The following PTPRR variants were observed in gnomAD, a reference collection of about 807,000 sequenced individuals.
PTPRR encodes receptor-type tyrosine-protein phosphatase R.
Under a neutral mutation model 77.2 loss-of-function variants are expected in PTPRR, and 38 were observed. The ratio of observed to expected loss-of-function variants is 0.49; its 90% CI spans 0.38 to 0.65. The LOEUF is 0.65. PTPRR is among the 30% of genes least tolerant of loss of function. PTPRR has a pLI of 0.00. For synonymous variants in PTPRR, 299 were observed against 283.1 expected (o/e 1.06, Z -0.57); for missense variants, 744 against 799.2 (o/e 0.93, Z 0.83).
At chr12:70,714,229 AAT>A (rs1281183543) in intron 6 of PTPRR, among the ~76,000 whole-genome samples, 1 of 152,162 alleles carries the variant, frequency 6.6e-6, no homozygotes, top group Non-Finnish European at 1.5e-5. Context: ...CAAAGAAAAC[AAT>A]ATCTTGTTTT....
intron 1 of PTPRR, among the ~76,000 whole-genome samples, chr12:70,918,066 A>G (rs1893800204): frequency 6.6e-6 from 1 of 152,182 alleles, no homozygotes; most frequent in Non-Finnish European, 1.5e-5. Context: ...TAATATCTTG[A>G]TTTCTTGATC....
chr12:70,700,263 C>G (rs1565653945), intron 7 of PTPRR, among the ~76,000 whole-genome samples: 1 of 152,172 alleles, frequency 6.6e-6, no homozygotes, highest in Non-Finnish European at 1.5e-5. Flanking sequence ...ACCAATACGG[C>G]TTAAGATGCA....
At chr12:70,719,640 C>A (rs767196485) in intron 6 of PTPRR, among the ~76,000 whole-genome samples, 1 of 152,040 alleles carries the variant, frequency 6.6e-6, no homozygotes, top group Non-Finnish European at 1.5e-5. Flanking sequence ...TACTAACAAG[C>A]GATAAAAGGC....
chr12:70,703,918 C>T (rs1029028854), intron 6 of PTPRR, among the ~76,000 whole-genome samples: 3 of 151,830 alleles, frequency 2.0e-5, no homozygotes, highest in Non-Finnish European at 2.9e-5. Context: ...TGAAAGCAAA[C>T]GTTTAATAGG....
intron 2 of PTPRR, among the ~76,000 whole-genome samples, chr12:70,820,615 G>C (rs1284921998): frequency 6.6e-6 from 1 of 152,224 alleles, no homozygotes; most frequent in East Asian, 1.9e-4. Flanking sequence ...TTACAGGCGT[G>C]AGCCACTGCG....
At chr12:70,844,271 G>A (rs1438635712) in intron 2 of PTPRR, among the ~76,000 whole-genome samples, 1 of 152,128 alleles carries the variant, frequency 6.6e-6, no homozygotes, top group East Asian at 1.9e-4. Flanking sequence ...TTTTGAGCCT[G>A]TTTTATACAA....
intron 6 of PTPRR, among the ~76,000 whole-genome samples, chr12:70,705,718 C>T (rs1173538047): frequency 4.0e-5 from 6 of 150,328 alleles, no homozygotes; most frequent in East Asian, 1.9e-4. Flanking sequence ...ATTTGACTTC[C>T]GAGATTTTTT....
chr12:70,815,220 G>C (rs1323106841), intron 2 of PTPRR, among the ~76,000 whole-genome samples: 3 of 150,418 alleles, frequency 2.0e-5, no homozygotes, highest in Non-Finnish European at 4.4e-5. Flanking sequence ...ATTAACAGCT[G>C]ATTAGACACT....
intron 2 of PTPRR, among the ~76,000 whole-genome samples, chr12:70,854,694 G>T (rs991398327): frequency 2.6e-5 from 4 of 152,214 alleles, no homozygotes; most frequent in Admixed American, 1.3e-4. Context: ...GACAGCCTGG[G>T]TCTGAATCTA....
chr12:70,851,235 C>T (rs1280063237), intron 2 of PTPRR, among the ~76,000 whole-genome samples: 1 of 152,142 alleles, frequency 6.6e-6, no homozygotes, highest in East Asian at 1.9e-4. Context: ...TTAAATATTG[C>T]ATTTATCCTG....
At chr12:70,839,458 G>A (rs1394226846) in intron 2 of PTPRR, among the ~76,000 whole-genome samples, 2 of 152,066 alleles carry the variant, frequency 1.3e-5, no homozygotes, top group African/African-American at 2.4e-5. Flanking sequence ...ATTTTCTTCT[G>A]TAGTTGCAGC....
chr12:70,893,622 A>G (rs1326357028), intron 1 of PTPRR, among the ~76,000 whole-genome samples: 1 of 151,906 alleles, frequency 6.6e-6, no homozygotes, highest in Non-Finnish European at 1.5e-5. Context: ...AGTTATAGCT[A>G]TTGGAATGTG....
chr12:70,783,864 G>GGC (rs1891257761), intron 2 of PTPRR, among the ~76,000 whole-genome samples: 1 of 35,648 alleles, frequency 2.8e-5, no homozygotes, highest in Non-Finnish European at 7.3e-5. Flanking sequence ...TGGGGGGGAC[G>GGC]GGGGGGGGGG....
chr12:70,834,595 T>A, intron 2 of PTPRR, among the ~76,000 whole-genome samples: 1 of 152,180 alleles, frequency 6.6e-6, no homozygotes, highest in East Asian at 1.9e-4. Context: ...TGGTTCAAAC[T>A]ACTAGAGTTC....
intron 6 of PTPRR, among the ~76,000 whole-genome samples, chr12:70,723,632 T>C (rs1889336515): frequency 6.6e-6 from 1 of 152,190 alleles, no homozygotes; most frequent in African/African-American, 2.4e-5. Flanking sequence ...CAAATATAGG[T>C]TGCAAATAAA....
intron 2 of PTPRR, among the ~76,000 whole-genome samples, chr12:70,792,514 G>T (rs1891438997): frequency 6.6e-6 from 1 of 152,076 alleles, no homozygotes; most frequent in Admixed American, 6.6e-5. Flanking sequence ...CATCTCATAA[G>T]TGATGTAAAT....
At chr12:70,666,785 C>G (rs1482016049) in intron 10 of PTPRR, among the ~76,000 whole-genome samples, 1 of 151,890 alleles carries the variant, frequency 6.6e-6, no homozygotes, top group Non-Finnish European at 1.5e-5. Flanking sequence ...ACTATATGAT[C>G]TAGAACTCCA....
chr12:70,694,167 C>T (rs1888149499), intron 8 of PTPRR, among the ~76,000 whole-genome samples: 1 of 152,040 alleles, frequency 6.6e-6, no homozygotes, highest in South Asian at 2.1e-4. Flanking sequence ...CACTTATTTG[C>T]ATATCTACTC....
intron 6 of PTPRR, among the ~76,000 whole-genome samples, chr12:70,703,123 C>G (rs953351090): frequency 4.6e-4 from 70 of 151,452 alleles, no homozygotes; most frequent in African/African-American, 1.6e-3. Flanking sequence ...TTCCTTCTAA[C>G]AGTTTTTACC....
Sources: gnomAD v4.1 joint callset for allele counts (sites outside exome capture counted in the v4.1 genomes callset) on GRCh38, gnomAD v4.1.1 for gene constraint, MANE v1.5 for transcripts, NCBI Gene and HGNC (gene_info 2026-07-23, HGNC 2026-07-21) for gene names.